The following FKBP4 variants were observed in gnomAD, a reference collection of about 807,000 sequenced individuals.
The protein encoded by FKBP4 is FKBP prolyl isomerase 4, also known as peptidyl-prolyl cis-trans isomerase FKBP4.
Under a neutral mutation model 54.1 loss-of-function variants are expected in FKBP4, and 28 were observed. That is an observed-to-expected ratio of 0.52 (90% CI 0.38 to 0.71). The LOEUF (loss-of-function observed/expected upper bound fraction) is 0.71. FKBP4 is among the 30% of genes least tolerant of loss of function. FKBP4 has a pLI of 0.00. For synonymous variants in FKBP4, 223 were observed against 216.1 expected (o/e 1.03, Z -0.28); for missense variants, 493 against 574.4 (o/e 0.86, Z 1.45).
Position 2,801,347 on chromosome 12 carries a change from G to A in FKBP4, c.1263G>A (p.Glu421=), listed in dbSNP as rs1476658694. Residue 421 remains glutamate, a synonymous_variant, in exon 9 of 10, where the codon GAG becomes GAA. Transcript: ENST00000001008. ...YANMFERLAE[E]ENKAKAEASS... is the part of the protein sequence containing the mutation. ...ATATGTTTGAGAGGCTGGCTGAGGAGGAGAACAAGGTGAGGATTGGGGTGG... is the reference window on the plus strand; with the variant it reads ...ATATGTTTGAGAGGCTGGCTGAGGAAGAGAACAAGGTGAGGATTGGGGTGG... 3.1e-6 allele frequency: 5 copies of A among 1,614,050 alleles called. No homozygotes were observed. Among genetic ancestry groups the A allele is most frequent in the Non-Finnish European group, 4.2e-6 (5 of 1,180,034 alleles).
chr12:2,799,252 G>A lies in FKBP4; in HGVS notation c.671+8G>A. The A allele has an allele frequency of 2.7e-6, 4 of 1,487,572 alleles. No individual in the cohort carries two copies. The highest frequency in any genetic ancestry group is 3.6e-6 in the Non-Finnish European group (4 of 1,118,938). 92.1% of individuals were successfully genotyped at this position (1,487,572 alleles called of 1,614,324 possible). ...CGTGTACCTCAAGCCCAGGTGAGGG[G>A]TGGGCACTTCGTAGGGTAGGCAGGC... On this transcript the variant is annotated splice_region_variant and intron_variant, in intron 5 of 9. Transcript: ENST00000001008.
At position 2,800,727 on chromosome 12, in the gene FKBP4, G is replaced by A; in HGVS notation, c.1032+150G>A. 3 of 769,658 alleles carry A rather than the reference G, an allele frequency of 3.9e-6. No homozygotes were observed. The South Asian group carries it at 5.9e-5, about 15-fold the overall frequency. The allele number at this position is 769,658 out of a possible 1,614,324, so 47.7% of individuals were successfully genotyped here. A position where few individuals can be genotyped will look rare whatever the true frequency, so the allele number is the denominator to read the frequency against. On this transcript the variant is annotated intron_variant, in intron 8 of 9. Transcript: ENST00000001008. ...GAGGTTACAGACCAAAGGCACGGAT[G>A]CAAGTATTCATAGCAAGAACCTTAG...
At position 2,797,867 on chromosome 12, in the gene FKBP4, T is replaced by C. The variant is rs959037648; in HGVS notation, c.389T>C (p.Phe130Ser). Residue 130 changes from phenylalanine to serine, a missense_variant, in exon 3 of 10, where the codon TTT becomes TCT. Coordinates refer to ENST00000001008, the MANE Select transcript of FKBP4 (RefSeq NM_002014.4). ...ATTCCCCCCAATGCCACGCTTGTAT[T>C]TGAGGTGAGTGTTTGGTCACTGAGA... ...PKIPPNATLV[F>S]EVELFEFKGE... is the part of the protein sequence containing the mutation. 6.2e-7 allele frequency: 1 copy of C among 1,612,978 alleles called. No individual in the cohort carries two copies. Among genetic ancestry groups the C allele is most frequent in the Non-Finnish European group, 8.5e-7 (1 of 1,179,252 alleles).
chr12:2,801,733 G>A (rs1452362729), intron 9 of FKBP4: 1 of 362,156 alleles, frequency 2.8e-6, no homozygotes, highest in South Asian at 2.1e-5. Context: ...CAGCCTGAGT[G>A]ACAAAATGAA....
Position 2,803,992 on chromosome 12 carries a change from G to T in FKBP4, c.*734G>T, listed in dbSNP as rs1565399218. 1 of 152,740 alleles carries T rather than the reference G, an allele frequency of 6.5e-6. No homozygotes were observed. Among genetic ancestry groups the T allele is most frequent in the East Asian group, 1.9e-4 (1 of 5,200 alleles). 9.5% of individuals were successfully genotyped at this position (152,740 alleles called of 1,614,324 possible). A position where few individuals can be genotyped will look rare whatever the true frequency, so the allele number is the denominator to read the frequency against. On this transcript the variant is annotated 3_prime_UTR_variant, in exon 10 of 10. Transcript: ENST00000001008. The stretch of plus-strand genomic sequence containing the variant: ...GTTCAGCCTTGGAGTGGTGGGTATG[G>T]GTGGGTACATAATGGGTAGTAGCAC...
rs376594309 is a variant in FKBP4 at position 2,803,127 on chromosome 12, G to A, written c.1273-24G>A. 165 of 1,541,818 alleles carry A rather than the reference G, an allele frequency of 1.1e-4. No homozygotes were observed. The East Asian group carries it at 1.2e-3, about 12-fold the overall frequency. Reference sequence around the variant, plus strand: ...GTTTTTTCACTTGGGAAGTCAGCCCGTTTGCTGTTCATCTTCCTTGCAGGC... The same window carrying A: ...GTTTTTTCACTTGGGAAGTCAGCCCATTTGCTGTTCATCTTCCTTGCAGGC... On this transcript the variant is annotated intron_variant, in intron 9 of 9. Transcript: ENST00000001008.
At chr12:2,796,664 T>G in intron 1 of FKBP4, 3 of 1,093,318 alleles carry the variant, frequency 2.7e-6, no homozygotes, top group Non-Finnish European at 3.4e-6. Context: ...CTCATACTCC[T>G]CTCGCTCTCC....
Position 2,798,725 on chromosome 12 carries a change from A to G in FKBP4, c.413A>G (p.Lys138Arg), listed in dbSNP as rs2097903201. Residue 138 changes from lysine to arginine, a missense_variant, in exon 4 of 10, where the codon AAG becomes AGG. By Grantham distance (26) the Lys-to-Arg change is conservative. Coordinates refer to ENST00000001008, the MANE Select transcript of FKBP4 (RefSeq NM_002014.4). This position sits in a 1 kb window ranked among gnomAD's most constrained non-coding sequence, Gnocchi z 4.3. ...CCACAGGTGGAGTTGTTTGAGTTTAAGGGAGAAGATCTGACGGAAGAGGAA... is the reference window on the plus strand; with the variant it reads ...CCACAGGTGGAGTTGTTTGAGTTTAGGGGAGAAGATCTGACGGAAGAGGAA... ...LVFEVELFEF[K>R]GEDLTEEEDG... is the part of the protein sequence containing the mutation. The G allele has an allele frequency of 1.2e-6, 2 of 1,613,886 alleles. No individual in the cohort carries two copies. Among genetic ancestry groups the G allele is most frequent in the Non-Finnish European group, 1.7e-6 (2 of 1,180,010 alleles).
intron 9 of FKBP4, among the ~76,000 whole-genome samples, chr12:2,802,732 T>A (rs1327376487): frequency 6.6e-6 from 1 of 152,126 alleles, no homozygotes; most frequent in Admixed American, 6.5e-5. Context: ...AGTGTTCTGT[T>A]TTGTTTTGTT....
At chr12:2,801,749 ATC>A (rs1453337023) in intron 9 of FKBP4, 1 of 359,562 alleles carries the variant, frequency 2.8e-6, no homozygotes, top group East Asian at 7.6e-5. Flanking sequence ...ATGAAACCCC[ATC>A]TCAAAAAAAG....
At chr12:2,797,697 T>C (rs1456118075) in intron 2 of FKBP4, 32 bp from the exon 3 acceptor site, 15 of 1,595,032 alleles carry the variant, frequency 9.4e-6, no homozygotes, top group African/African-American at 1.3e-5. Flanking sequence ...AGAACCCTGC[T>C]AAGGCGGTCC....
intron 2 of FKBP4, 26 bp downstream of exon 2, chr12:2,797,308 G>T: frequency 6.2e-7 from 1 of 1,613,250 alleles, no homozygotes; most frequent in South Asian, 1.1e-5. Context: ...GGGCTGGTAG[G>T]ATAGGTTCGA....
intron 9 of FKBP4, chr12:2,801,663 A>G: frequency 3.9e-6 from 2 of 506,492 alleles, no homozygotes; most frequent in Non-Finnish European, 7.7e-6. Context: ...CCAAAGTGGG[A>G]GGATCACTTG....
At position 2,799,138 on chromosome 12, in the gene FKBP4, C is replaced by T. The variant is rs141855441; in HGVS notation, c.565C>T (p.Arg189Cys). Residue 189 changes from arginine (R) to cysteine (C), a missense_variant, in exon 5 of 10, where the codon CGC becomes TGC. Physicochemically the swap from Arg to Cys is radical, Grantham distance 180. Coordinates refer to ENST00000001008, the MANE Select transcript of FKBP4 (RefSeq NM_002014.4). ...KDKLFDQREL[R>C]FEIGEGENLD... The stretch of plus-strand genomic sequence containing the variant: ...CAAGCTCTTTGACCAGCGGGAGCTC[C>T]GCTTTGAGATTGGCGAGGGGGAGAA... 49 of 1,582,740 alleles carry T rather than the reference C, an allele frequency of 3.1e-5. No homozygotes were observed. Among genetic ancestry groups the T allele is most frequent in the African/African-American group, 9.5e-5 (7 of 73,522 alleles).
In FKBP4 at chr12:2,803,180, T is replaced by G; in HGVS notation, c.1302T>G (p.His434Gln). The G allele has an allele frequency of 3.1e-6, 5 of 1,606,574 alleles. No individual in the cohort carries two copies. Among genetic ancestry groups the G allele is most frequent in the Non-Finnish European group, 4.2e-6 (5 of 1,176,562 alleles). ...AGGCAGAGGCTTCCTCAGGAGACCA[T>G]CCCACTGACACAGAGATGAAGGAGG... ...KAKAEASSGDHPTDTEMKEEQ... is the reference protein window; with the variant it reads ...KAKAEASSGDQPTDTEMKEEQ... Residue 434 changes from histidine to glutamine, a missense_variant, in exon 10 of 10, where the codon CAT (histidine) becomes CAG (glutamine). Transcript: ENST00000001008.
Position 2,799,080 on chromosome 12 carries a change from C to T in FKBP4, c.515-8C>T, listed in dbSNP as rs774851464. 1 of 1,524,436 alleles carries T rather than the reference C, an allele frequency of 6.6e-7. No individual in the cohort carries two copies. The highest frequency in any genetic ancestry group is 2.3e-5 in the East Asian group (1 of 44,100). The allele number at this position is 1,524,436 out of a possible 1,614,324, so 94.4% of individuals were successfully genotyped here. On this transcript the variant is annotated splice_region_variant and splice_polypyrimidine_tract_variant and intron_variant, in intron 4 of 9. Coordinates refer to ENST00000001008, the MANE Select transcript of FKBP4 (RefSeq NM_002014.4). Reference sequence around the variant, plus strand: ...CAACTCTGGTACACTGCCTCTCTTTCATGCCAGTTGCACTGGAAGGGTACT... The same window carrying T: ...CAACTCTGGTACACTGCCTCTCTTTTATGCCAGTTGCACTGGAAGGGTACT...
intron 7 of FKBP4, 62 bp from the exon 8 acceptor site, chr12:2,800,330 G>A: frequency 6.5e-7 from 1 of 1,530,794 alleles, no homozygotes; most frequent in Non-Finnish European, 8.9e-7. Flanking sequence ...GATGTCTGCA[G>A]GGTATAAGAG....
chr12:2,795,887 C>T lies in FKBP4; in HGVS notation c.105+643C>T, dbSNP rs1314865859. On this transcript the variant is annotated intron_variant, in intron 1 of 9. Coordinates refer to ENST00000001008, the MANE Select transcript of FKBP4 (RefSeq NM_002014.4). This position sits in a 1 kb window ranked among gnomAD's most constrained non-coding sequence, Gnocchi z 4.3. Reference sequence around the variant, plus strand: ...GCCGCGCGGCGCCCCCTCCCTCGGCCCCGGGGAGGCCGGGCGCGGGGCATG... The same window carrying T: ...GCCGCGCGGCGCCCCCTCCCTCGGCTCCGGGGAGGCCGGGCGCGGGGCATG... The T allele has an allele frequency of 9.5e-6, 9 of 949,992 alleles. No homozygotes were observed. The South Asian group carries it at 2.7e-4, about 29-fold the overall frequency. 58.8% of individuals were successfully genotyped at this position (949,992 alleles called of 1,614,324 possible). A position where few individuals can be genotyped will look rare whatever the true frequency, so the allele number is the denominator to read the frequency against.
chr12:2,802,565 G>C (rs1450024143), intron 9 of FKBP4, among the ~76,000 whole-genome samples: 1 of 152,204 alleles, frequency 6.6e-6, no homozygotes, highest in Admixed American at 6.5e-5. Context: ...TTGCATTTGT[G>C]TATTTTTCAA....
Sources: allele counts gnomAD v4.1 joint callset (sites outside exome capture counted in the v4.1 genomes callset), GRCh38; gene constraint gnomAD v4.1.1; non-coding constraint Gnocchi (gnomAD v3.1); transcripts MANE v1.5; gene names NCBI Gene and HGNC (gene_info 2026-07-23, HGNC 2026-07-21).